THSD4: variants seen among roughly 807,000 people sequenced by gnomAD.
The protein encoded by THSD4 is thrombospondin type 1 domain containing 4.
A neutral mutation model predicts 119.0 loss-of-function variants in THSD4; 69 were observed. The observed-to-expected ratio is 0.58, with a 90% CI of 0.48 to 0.71. THSD4 has a LOEUF of 0.71. Ranked by LOEUF, THSD4 falls within the 30% of genes least tolerant of loss-of-function variation. The pLI is 0.00. For missense variants in THSD4, 1,393 were observed against 1,391.1 expected, an observed-to-expected ratio of 1.00 and a Z score of -0.02; for synonymous variants, 524 against 540.4, an observed-to-expected ratio of 0.97 and a Z score of 0.42.
At chr15:71,449,468 G>A (rs1047440243) in intron 7 of THSD4, among the ~76,000 whole-genome samples, 5 of 152,256 alleles carry the variant, frequency 3.3e-5, no homozygotes, top group Admixed American at 1.3e-4. Context: ...ACCTCTCTGC[G>A]CCTCAGAAAA....
rs2040350912 is a variant in THSD4, at chr15:71,115,538, A to C, written c.-240A>C. 6.6e-6 allele frequency: 1 copy of C among 150,654 alleles called. No individual in the cohort carries two copies. The highest frequency in any genetic ancestry group is 1.5e-5 in the Non-Finnish European group (1 of 67,566). The allele number at this position is 150,654 out of a possible 1,614,324, so 9.3% of individuals were successfully genotyped here. ...GGCCGCCCGCGCAGCCCGACGCGGA[A>C]TCGGGGCACAGCGGGAGCCCGTGCA... On this transcript the variant is annotated 5_prime_UTR_variant, in exon 1 of 18. Transcript: ENST00000261862. The surrounding 1 kb of genome is among the most constrained non-coding windows in gnomAD (Gnocchi z 4.4).
chr15:71,731,159 G>A lies in THSD4; in HGVS notation c.1572G>A (p.Glu524=). The change falls in exon 10 of 18, where the codon GAG becomes GAA. Residue 524 remains glutamate (E), a synonymous_variant. Transcript: ENST00000261862. ...HQQPNPGVHY[E]YVIMGTNAIS... is the part of the protein sequence containing the mutation. The stretch of plus-strand genomic sequence containing the variant: ...AGCCAAACCCAGGCGTGCACTACGA[G>A]TACGTGATCATGGGGACCAACGCCA... 8 of 1,614,160 alleles carry A rather than the reference G, an allele frequency of 5.0e-6. No homozygotes were observed. Among genetic ancestry groups the A allele is most frequent in the Non-Finnish European group, 6.8e-6 (8 of 1,180,030 alleles).
chr15:71,430,612 C>T (rs901179808), intron 7 of THSD4, among the ~76,000 whole-genome samples: 3 of 151,866 alleles, frequency 2.0e-5, no homozygotes, highest in African/African-American at 7.3e-5. Flanking sequence ...CTAAAATTAG[C>T]TGGGCGTGGT....
intron 8 of THSD4, among the ~76,000 whole-genome samples, chr15:71,678,740 AAGCC>A (rs899955198): frequency 8.5e-5 from 13 of 152,150 alleles, no homozygotes; most frequent in African/African-American, 3.1e-4. Context: ...CTCTGTCCCC[AAGCC>A]AGACACTATT....
chr15:71,131,148 T>G (rs188787336), intron 1 of THSD4, among the ~76,000 whole-genome samples: 13 of 152,326 alleles, frequency 8.5e-5, no homozygotes, highest in African/African-American at 2.9e-4. Flanking sequence ...TTATTCATCT[T>G]TGAATCATGA....
chr15:71,465,646 A>G (rs1479316097), intron 7 of THSD4, among the ~76,000 whole-genome samples: 4 of 152,202 alleles, frequency 2.6e-5, no homozygotes. Context: ...TTACCTACAT[A>G]TCAAGCAAAC....
At chr15:71,568,568 C>CTTTTTTTTTTTTTTTTTTTTTTTTT (rs61430926) in intron 7 of THSD4, among the ~76,000 whole-genome samples, 1 of 137,872 alleles carries the variant, frequency 7.3e-6, no homozygotes. Flanking sequence ...CTCTTTTTCT[C>CTTTTTTTTTTTTTTTTTTTTTTTTT]TTTTTTTTTT....
intron 6 of THSD4, among the ~76,000 whole-genome samples, chr15:71,367,138 T>A (rs2045975648): frequency 6.6e-6 from 1 of 152,242 alleles, no homozygotes; most frequent in Non-Finnish European, 1.5e-5. Flanking sequence ...CAACCCATTG[T>A]GTTATAACAC....
Position 71,227,451 on chromosome 15 carries a change from T to C in THSD4, c.464+12052T>C, listed in dbSNP as rs141229469. Among the ~76,000 whole-genome samples, 350 of 152,282 alleles carry C rather than the reference T, an allele frequency of 2.3e-3. 3 individuals are homozygous for C. Among genetic ancestry groups the C allele is most frequent in the African/African-American group, 8.2e-3 (342 of 41,570 alleles). On this transcript the variant is annotated intron_variant, in intron 4 of 17. Transcript: ENST00000261862. Reference sequence around the variant, plus strand: ...CTAGTGCCAGCCTGCGATGCCTTCATATGAGGATGGGAGGAAGGAATTTCC... The same window carrying C: ...CTAGTGCCAGCCTGCGATGCCTTCACATGAGGATGGGAGGAAGGAATTTCC...
At chr15:71,449,524 T>G (rs1037944047) in intron 7 of THSD4, among the ~76,000 whole-genome samples, 1 of 152,154 alleles carries the variant, frequency 6.6e-6, no homozygotes, top group African/African-American at 2.4e-5. Context: ...ATTGTGAAGA[T>G]GGAGATAATT....
At chr15:71,574,445 A>C (rs1188649986) in intron 7 of THSD4, among the ~76,000 whole-genome samples, 1 of 152,174 alleles carries the variant, frequency 6.6e-6, no homozygotes, top group Non-Finnish European at 1.5e-5. Flanking sequence ...TTTTGGAAAC[A>C]CTAAACCAAG....
chr15:71,738,024 G>C lies in THSD4; in HGVS notation c.1906+17G>C, dbSNP rs755460163. On this transcript the variant is annotated intron_variant, in intron 11 of 17. Coordinates refer to ENST00000261862, the MANE Select transcript of THSD4 (RefSeq NM_024817.3). ...GTGGGAAAGGTGAGCCTGTGTGGGG[G>C]ACGGGTGGATCCCTGCAGAACCCTA... 1.9e-6 allele frequency: 3 copies of C among 1,612,276 alleles called. No individual in the cohort carries two copies. The highest frequency in any genetic ancestry group is 2.5e-6 in the Non-Finnish European group (3 of 1,178,950).
intron 7 of THSD4, among the ~76,000 whole-genome samples, chr15:71,583,099 A>G (rs1443023498): frequency 2.0e-5 from 3 of 152,032 alleles, no homozygotes; most frequent in Admixed American, 2.0e-4. Flanking sequence ...CTATCTCTTT[A>G]CTTATCATTG....
chr15:71,448,049 A>G (rs1222627096), intron 7 of THSD4, among the ~76,000 whole-genome samples: 1 of 152,230 alleles, frequency 6.6e-6, no homozygotes, highest in African/African-American at 2.4e-5. Flanking sequence ...AGCCAGGCAC[A>G]GATCTGGTTT....
At chr15:71,733,960 G>A (rs548375461) in intron 10 of THSD4, 1 of 145,172 alleles carries the variant, frequency 6.9e-6, no homozygotes, top group African/African-American at 2.7e-5. Context: ...AATTGTTGTT[G>A]TTGTTGTTGT....
chr15:71,518,706 CAGAG>C (rs746498876), intron 7 of THSD4, among the ~76,000 whole-genome samples: 4 of 152,222 alleles, frequency 2.6e-5, no homozygotes, highest in Non-Finnish European at 5.9e-5. Context: ...ATTTGAGTCT[CAGAG>C]AGGCGAATAA....
intron 8 of THSD4, among the ~76,000 whole-genome samples, chr15:71,709,752 C>A (rs1190420621): frequency 6.6e-6 from 1 of 151,920 alleles, no homozygotes; most frequent in African/African-American, 2.4e-5. Flanking sequence ...GCATGGTTCC[C>A]AAACTTTGCT....
Position 71,780,891 on chromosome 15 carries a change from A to C in THSD4, c.*3517A>C, listed in dbSNP as rs539821714. 2.3e-6 allele frequency: 1 copy of C among 432,046 alleles called. No homozygotes were observed. Among genetic ancestry groups the C allele is most frequent in the South Asian group, 1.6e-5 (1 of 61,852 alleles). The allele number at this position is 432,046 out of a possible 1,614,324, so 26.8% of individuals were successfully genotyped here. On this transcript the variant is annotated 3_prime_UTR_variant, in exon 18 of 18. Transcript: ENST00000261862. ...ACACGAGCTTGGTGTATTTTCATCA[A>C]GTTATGTGGCAGAGAAATCCAGATA... is the stretch of plus-strand genomic sequence containing the variant.
chr15:71,227,000 C>T (rs1378882066), intron 4 of THSD4, among the ~76,000 whole-genome samples: 1 of 152,176 alleles, frequency 6.6e-6, no homozygotes, highest in Non-Finnish European at 1.5e-5. Flanking sequence ...CCTGTTGATG[C>T]TAAGCAGATA....
Sources: allele counts gnomAD v4.1 joint callset (sites outside exome capture counted in the v4.1 genomes callset), GRCh38; gene constraint gnomAD v4.1.1; non-coding constraint Gnocchi (gnomAD v3.1); transcripts MANE v1.5; gene names NCBI Gene and HGNC (gene_info 2026-07-23, HGNC 2026-07-21).